GRIK4: variants seen among roughly 807,000 people sequenced by gnomAD.
GRIK4 encodes glutamate receptor ionotropic, kainate 4.
In GRIK4, 40 loss-of-function variants were observed where a neutral mutation model predicts 104.9. The ratio of observed to expected loss-of-function variants is 0.38; its 90% confidence interval spans 0.30 to 0.50. The LOEUF is 0.50. GRIK4 is among the 20% of genes least tolerant of loss of function. The probability of loss-of-function intolerance (pLI) is 0.93; values close to 1 mark genes in which losing one functional copy is unlikely to be tolerated. For synonymous variants in GRIK4, 485 were observed against 524.9 expected (o/e 0.92, Z 1.04); for missense variants, 1,047 against 1,308.1 (o/e 0.80, Z 3.08).
chr11:120,723,001 G>T (rs181675039), intron 3 of GRIK4, among the ~76,000 whole-genome samples: 1 of 152,180 alleles, frequency 6.6e-6, no homozygotes, highest in African/African-American at 2.4e-5. Flanking sequence ...ATGGTGCTTC[G>T]TAGCAGAAGC....
chr11:120,754,578 CAT>C (rs1182132169), intron 3 of GRIK4, among the ~76,000 whole-genome samples: 4 of 152,160 alleles, frequency 2.6e-5, no homozygotes, highest in Non-Finnish European at 5.9e-5. Flanking sequence ...TAGGTGGACA[CAT>C]GTTTTCGATT....
chr11:120,827,991 C>T (rs1953311689), intron 6 of GRIK4, among the ~76,000 whole-genome samples: 1 of 152,204 alleles, frequency 6.6e-6, no homozygotes, highest in South Asian at 2.1e-4. Flanking sequence ...CTGCCAAGAG[C>T]TAGCCTGCCT....
At chr11:120,820,082 C>CGTGT (rs35140379) in intron 6 of GRIK4, among the ~76,000 whole-genome samples, 162 bp downstream of exon 6, 2,871 of 144,824 alleles carry the variant, frequency 0.02, 46 homozygotes, top group Admixed American at 0.064. Flanking sequence ...CTCATGTGTC[C>CGTGT]GTGTGTGTGT....
intron 3 of GRIK4, among the ~76,000 whole-genome samples, chr11:120,707,078 G>A (rs1405504834): frequency 1.3e-5 from 2 of 152,168 alleles, no homozygotes; most frequent in Admixed American, 6.5e-5. Flanking sequence ...AACATTGAAC[G>A]ACCAGGCTTG....
intron 13 of GRIK4, among the ~76,000 whole-genome samples, chr11:120,925,236 C>G (rs182350446): frequency 1.3e-5 from 2 of 152,132 alleles, no homozygotes; most frequent in African/African-American, 4.8e-5. Flanking sequence ...ATAACAGGCC[C>G]GTGAATCTCA....
At chr11:120,611,093 C>T (rs12278536) in intron 1 of GRIK4, among the ~76,000 whole-genome samples, 2,610 of 152,254 alleles carry the variant, frequency 0.017, 78 homozygotes, top group African/African-American at 0.058. Context: ...GGTCAGCTCA[C>T]CTTCGTTCAG....
chr11:120,972,929 G>C (rs1353964416), intron 19 of GRIK4, among the ~76,000 whole-genome samples: 1 of 152,130 alleles, frequency 6.6e-6, no homozygotes, highest in Non-Finnish European at 1.5e-5. Flanking sequence ...AGGGCCCAGT[G>C]AAAGGCCTGA....
intron 1 of GRIK4, among the ~76,000 whole-genome samples, chr11:120,577,786 T>C (rs1948504668): frequency 6.6e-6 from 1 of 152,184 alleles, no homozygotes; most frequent in Non-Finnish European, 1.5e-5. Context: ...AGCCCTTCCC[T>C]GCTGGCGGCA....
intron 1 of GRIK4, among the ~76,000 whole-genome samples, chr11:120,521,735 A>G (rs896512123): frequency 1.3e-5 from 2 of 152,180 alleles, no homozygotes; most frequent in Non-Finnish European, 2.9e-5. Context: ...CGCCTGTTGT[A>G]TTGCTGGGAA....
intron 13 of GRIK4, among the ~76,000 whole-genome samples, chr11:120,912,242 G>A (rs1943015578): frequency 6.6e-6 from 1 of 152,104 alleles, no homozygotes; most frequent in Admixed American, 6.5e-5. Flanking sequence ...AGGAGAGAGA[G>A]GATGCATTTA....
chr11:120,687,804 C>A (rs2135302368), intron 3 of GRIK4, among the ~76,000 whole-genome samples: 1 of 152,312 alleles, frequency 6.6e-6, no homozygotes, highest in South Asian at 2.1e-4. Context: ...TAGTTGAGAG[C>A]CTCCTGTGTT....
At chr11:120,957,459 C>T (rs1396891787) in intron 16 of GRIK4, among the ~76,000 whole-genome samples, 1 of 152,200 alleles carries the variant, frequency 6.6e-6, no homozygotes, top group Non-Finnish European at 1.5e-5. Context: ...GAAAACGCAA[C>T]TCTTGTCGTT....
intron 1 of GRIK4, among the ~76,000 whole-genome samples, chr11:120,648,638 C>T (rs1171893167): frequency 1.3e-5 from 2 of 152,096 alleles, no homozygotes; most frequent in African/African-American, 2.4e-5. Context: ...CCTAGGCAGG[C>T]CCAGCATTCA....
chr11:120,926,441 A>ATG (rs1389715647), intron 13 of GRIK4, among the ~76,000 whole-genome samples: 1 of 152,196 alleles, frequency 6.6e-6, no homozygotes, highest in South Asian at 2.1e-4. Context: ...CTTTTTGTGT[A>ATG]TTCATTAATT....
At chr11:120,515,513 C>T (rs1297698449) in intron 1 of GRIK4, among the ~76,000 whole-genome samples, 1 of 152,242 alleles carries the variant, frequency 6.6e-6, no homozygotes, top group African/African-American at 2.4e-5. Context: ...GAGTGGCCGC[C>T]TTCTGCTCTC....
chr11:120,557,950 G>A (rs1466068817), intron 1 of GRIK4, among the ~76,000 whole-genome samples: 9 of 150,728 alleles, frequency 6.0e-5, no homozygotes, highest in Admixed American at 6.6e-5. Flanking sequence ...CCAGGGAGGC[G>A]GAGCTTGCAG....
intron 3 of GRIK4, among the ~76,000 whole-genome samples, chr11:120,681,823 A>T (rs1950197726): frequency 6.6e-6 from 1 of 152,158 alleles, no homozygotes; most frequent in African/African-American, 2.4e-5. Context: ...GAAGAGGAGG[A>T]GCTGTCTGTA....
At chr11:120,889,520 T>A in intron 11 of GRIK4, among the ~76,000 whole-genome samples, 1 of 150,500 alleles carries the variant, frequency 6.6e-6, no homozygotes, top group Non-Finnish European at 1.5e-5. Flanking sequence ...TCATTGGTTA[T>A]GGTTCATCTG....
intron 1 of GRIK4, among the ~76,000 whole-genome samples, chr11:120,580,336 C>T (rs760178855): frequency 1.4e-4 from 21 of 149,778 alleles, no homozygotes; most frequent in East Asian, 1.2e-3. Flanking sequence ...AGTGCAGTGG[C>T]GCGATCTTGG....
Sources: gnomAD v4.1 joint callset for allele counts (sites outside exome capture counted in the v4.1 genomes callset) on GRCh38, gnomAD v4.1.1 for gene constraint, MANE v1.5 for transcripts, NCBI Gene and HGNC (gene_info 2026-07-23, HGNC 2026-07-21) for gene names.